The following CDK6 variants were observed in gnomAD, a reference collection of about 807,000 sequenced individuals.
CDK6 encodes the protein cyclin dependent kinase 6.
Under a neutral mutation model 37.1 loss-of-function variants are expected in CDK6, and 6 were observed. That is an observed-to-expected ratio of 0.16 (90% confidence interval 0.09 to 0.32). The LOEUF is 0.32. Ranked by LOEUF, CDK6 falls within the 10% of genes least tolerant of loss-of-function variation. The probability of loss-of-function intolerance (pLI) is 1.00; values close to 1 mark genes in which losing one functional copy is unlikely to be tolerated. For synonymous variants in CDK6, 160 were observed against 161.3 expected, an observed-to-expected ratio of 0.99 and a Z score of 0.06; for missense variants, 224 against 418.9, an observed-to-expected ratio of 0.53 and a Z score of 4.06.
chr7:92,775,995 G>A (rs1178519351), intron 2 of CDK6, among the ~76,000 whole-genome samples: 3 of 151,980 alleles, frequency 2.0e-5, no homozygotes, highest in African/African-American at 4.8e-5. Flanking sequence ...ACGTGCTATG[G>A]TGGTTTGCTG....
intron 3 of CDK6, among the ~76,000 whole-genome samples, chr7:92,773,920 T>C (rs915075502): frequency 6.6e-6 from 1 of 152,226 alleles, no homozygotes; most frequent in African/African-American, 2.4e-5. Context: ...CTGTTTAAGC[T>C]ACCTAATTCA....
intron 2 of CDK6, among the ~76,000 whole-genome samples, chr7:92,781,659 A>ATGAGGATTTTT (rs1799994892): frequency 6.6e-6 from 1 of 152,200 alleles, no homozygotes; most frequent in African/African-American, 2.4e-5. Flanking sequence ...AGGAAGTTCT[A>ATGAGGATTTTT]TGAGGATTTT....
chr7:92,760,315 A>G (rs1431987822), intron 3 of CDK6, among the ~76,000 whole-genome samples: 1 of 152,108 alleles, frequency 6.6e-6, no homozygotes, highest in Non-Finnish European at 1.5e-5. Context: ...TAGTCCTTCA[A>G]TGTTTGCTAT....
At chr7:92,616,078 GTAAGAC>G (rs1295598241) in intron 7 of CDK6, among the ~76,000 whole-genome samples, 2 of 152,266 alleles carry the variant, frequency 1.3e-5, no homozygotes, top group East Asian at 3.9e-4. Flanking sequence ...TTAGTGATGA[GTAAGAC>G]CTCCTCATTG....
chr7:92,787,643 T>C (rs1386462947), intron 2 of CDK6, among the ~76,000 whole-genome samples: 1 of 152,110 alleles, frequency 6.6e-6, no homozygotes, highest in Non-Finnish European at 1.5e-5. Flanking sequence ...TATGTGCTTT[T>C]CAATCCCCTC....
At chr7:92,825,407 A>C (rs971925974) in intron 2 of CDK6, among the ~76,000 whole-genome samples, 1 of 152,068 alleles carries the variant, frequency 6.6e-6, no homozygotes, top group African/African-American at 2.4e-5. Flanking sequence ...ACAAGACAAC[A>C]CAGTCCCTTC....
intron 5 of CDK6, among the ~76,000 whole-genome samples, chr7:92,651,015 G>A (rs996575931): frequency 2.0e-5 from 3 of 151,812 alleles, no homozygotes; most frequent in Non-Finnish European, 4.4e-5. Flanking sequence ...TCAGCCTCCC[G>A]AGTAGCTGGG....
intron 2 of CDK6, among the ~76,000 whole-genome samples, chr7:92,793,224 C>T (rs1800325422): frequency 6.6e-6 from 1 of 152,160 alleles, no homozygotes; most frequent in East Asian, 1.9e-4. Flanking sequence ...TCCCAGCTGG[C>T]TTTTTAGTAA....
chr7:92,620,882 T>C (rs1186665389), intron 6 of CDK6, among the ~76,000 whole-genome samples: 2 of 152,184 alleles, frequency 1.3e-5, no homozygotes, highest in Non-Finnish European at 2.9e-5. Context: ...TACTCCAGCC[T>C]GGACAACAGG....
Position 92,613,440 on chromosome 7 carries a change from T to C in CDK6, c.*1700A>G, listed in dbSNP as rs1176139414. ...TGGCTAAACTTTCCAAAAGATACTT[T>C]CTGTGTCCTCTGGTTACTAGAGCCA... On this transcript the variant is annotated 3_prime_UTR_variant, in exon 8 of 8. Transcript: ENST00000424848. 4.3e-6 allele frequency: 1 copy of C among 233,634 alleles called. No individual in the cohort carries two copies. Among genetic ancestry groups the C allele is most frequent in the Non-Finnish European group, 8.5e-6 (1 of 118,068 alleles). 14.5% of individuals were successfully genotyped at this position (233,634 alleles called of 1,614,324 possible). A position where few individuals can be genotyped will look rare whatever the true frequency, so the allele number is the denominator to read the frequency against.
intron 3 of CDK6, among the ~76,000 whole-genome samples, chr7:92,761,945 A>C (rs1297621395): frequency 6.6e-6 from 1 of 152,244 alleles, no homozygotes; most frequent in African/African-American, 2.4e-5. Flanking sequence ...GATAAGATGC[A>C]TATCATGGGC....
chr7:92,826,726 CAT>C (rs1460695207), intron 2 of CDK6, among the ~76,000 whole-genome samples: 2 of 152,160 alleles, frequency 1.3e-5, no homozygotes, highest in African/African-American at 2.4e-5. Context: ...ATAGACTTCA[CAT>C]GTGTATGCCT....
At chr7:92,811,408 T>C (rs1800881612) in intron 2 of CDK6, among the ~76,000 whole-genome samples, 2 of 152,072 alleles carry the variant, frequency 1.3e-5, no homozygotes, top group African/African-American at 4.8e-5. Flanking sequence ...CTCCTTACCG[T>C]GTGTAAAAAC....
intron 3 of CDK6, among the ~76,000 whole-genome samples, chr7:92,763,539 A>T (rs1014081338): frequency 6.6e-6 from 1 of 152,242 alleles, no homozygotes; most frequent in Non-Finnish European, 1.5e-5. Context: ...ATTCCTAAGC[A>T]TCTCTTTAAT....
intron 3 of CDK6, among the ~76,000 whole-genome samples, chr7:92,734,905 A>G (rs573099889): frequency 6.6e-6 from 1 of 152,320 alleles, no homozygotes; most frequent in South Asian, 2.1e-4. Flanking sequence ...GATGCTTCCT[A>G]TCTTACCATC....
At chr7:92,766,286 T>C (rs1314351397) in intron 3 of CDK6, among the ~76,000 whole-genome samples, 3 of 152,076 alleles carry the variant, frequency 2.0e-5, no homozygotes, top group Non-Finnish European at 4.4e-5. Flanking sequence ...AATGAAGATA[T>C]TGAGAAGTAG....
chr7:92,742,975 G>C (rs1481230346), intron 3 of CDK6, among the ~76,000 whole-genome samples: 2 of 151,580 alleles, frequency 1.3e-5, no homozygotes, highest in Admixed American at 6.6e-5. Flanking sequence ...GAAACATTTT[G>C]TCTCTCTATA....
chr7:92,647,647 C>G (rs902363600), intron 5 of CDK6, among the ~76,000 whole-genome samples: 3 of 152,166 alleles, frequency 2.0e-5, no homozygotes, highest in Admixed American at 6.5e-5. Flanking sequence ...TCTGGGATAT[C>G]CAAGTAAACA....
chr7:92,648,791 T>A (rs1796505848), intron 5 of CDK6, among the ~76,000 whole-genome samples: 1 of 152,236 alleles, frequency 6.6e-6, no homozygotes, highest in South Asian at 2.1e-4. Flanking sequence ...GGACCATTTT[T>A]AATCTACAAA....
Sources: allele counts gnomAD v4.1 joint callset (sites outside exome capture counted in the v4.1 genomes callset), GRCh38; gene constraint gnomAD v4.1.1; transcripts MANE v1.5; gene names NCBI Gene and HGNC (gene_info 2026-07-23, HGNC 2026-07-21).